Variants in KATNIP observed in about 807,000 individuals in gnomAD.
The protein encoded by KATNIP is katanin-interacting protein.
A neutral mutation model predicts 174.0 loss-of-function variants in KATNIP; 126 were observed. That is an observed-to-expected ratio of 0.72 (90% CI 0.63 to 0.84). The LOEUF is 0.84. Among genes scored for constraint, KATNIP ranks in the 40% least tolerant of loss-of-function variants. The pLI is 0.00. For missense variants in KATNIP, 1,958 were observed against 2,109.7 expected (o/e 0.93, Z 1.41); for synonymous variants, 810 against 835.7 (o/e 0.97, Z 0.53).
intron 17 of KATNIP, among the ~76,000 whole-genome samples, chr16:27,752,143 G>C (rs1275563677): frequency 6.6e-6 from 1 of 151,900 alleles, no homozygotes; most frequent in African/African-American, 2.4e-5. Flanking sequence ...AGTAAAGAAA[G>C]TATTCAAATT....
intron 2 of KATNIP, among the ~76,000 whole-genome samples, chr16:27,590,593 G>C (rs1368789468): frequency 6.6e-6 from 1 of 152,010 alleles, no homozygotes. Flanking sequence ...TTTCTTTCTG[G>C]CTACGTCCTG....
chr16:27,766,450 A>G lies in KATNIP; in HGVS notation c.3951A>G (p.Lys1317=). ...GCCTGCGCTTCTGGAACTACAATAA[A>G]TCTCCCGAGGACACCTATCGCGGGG... ...IAGLRFWNYN[K]SPEDTYRGAK... Residue 1317 remains lysine, a synonymous_variant, in exon 20 of 28, where the codon AAA becomes AAG. Transcript: ENST00000261588. The G allele has an allele frequency of 6.2e-7, 1 of 1,613,364 alleles. No individual in the cohort carries two copies. Among genetic ancestry groups the G allele is most frequent in the Non-Finnish European group, 8.5e-7 (1 of 1,179,948 alleles).
At chr16:27,761,201 C>T (rs1222156260) in intron 18 of KATNIP, among the ~76,000 whole-genome samples, 1 of 152,182 alleles carries the variant, frequency 6.6e-6, no homozygotes, top group East Asian at 1.9e-4. Context: ...AACCCTCGCC[C>T]ATGCAGCTTA....
At chr16:27,772,824 TACAC>T (rs771813914) in intron 22 of KATNIP, among the ~76,000 whole-genome samples, 18 of 151,868 alleles carry the variant, frequency 1.2e-4, no homozygotes, top group Non-Finnish European at 2.2e-4. Flanking sequence ...GAATTCCTAA[TACAC>T]ACACACACGG....
intron 6 of KATNIP, among the ~76,000 whole-genome samples, chr16:27,652,000 G>A (rs1334528216): frequency 6.6e-6 from 1 of 152,174 alleles, no homozygotes; most frequent in African/African-American, 2.4e-5. Flanking sequence ...GATTACAGGC[G>A]TGAGCCACCA....
intron 15 of KATNIP, among the ~76,000 whole-genome samples, chr16:27,741,835 G>C (rs1011357163): frequency 6.6e-6 from 1 of 152,090 alleles, no homozygotes; most frequent in Non-Finnish European, 1.5e-5. Flanking sequence ...CTAGGAGGTG[G>C]AGGCTACAGT....
At chr16:27,774,688 C>G (rs1034623907) in intron 23 of KATNIP, among the ~76,000 whole-genome samples, 2 of 152,180 alleles carry the variant, frequency 1.3e-5, no homozygotes, top group Non-Finnish European at 2.9e-5. Context: ...TGCAACGTCT[C>G]TTTTTCAGCT....
At chr16:27,661,378 G>A (rs893046500) in intron 6 of KATNIP, among the ~76,000 whole-genome samples, 4 of 151,934 alleles carry the variant, frequency 2.6e-5, no homozygotes, top group African/African-American at 9.7e-5. Flanking sequence ...CCAGGTATCT[G>A]GGTTTCTGGG....
intron 21 of KATNIP, 109 bp downstream of exon 21, chr16:27,770,127 C>A: frequency 8.0e-7 from 1 of 1,248,984 alleles, no homozygotes. Flanking sequence ...GATGATCAAA[C>A]GCATTGCTTT....
chr16:27,761,271 A>T, intron 18 of KATNIP, 142 bp from the exon 19 acceptor site: 1 of 801,416 alleles, frequency 1.2e-6, no homozygotes, highest in Non-Finnish European at 1.9e-6. Flanking sequence ...GGAAAGCCAC[A>T]GAGCCCACCT....
intron 1 of KATNIP, among the ~76,000 whole-genome samples, chr16:27,556,012 C>T (rs954836710): frequency 1.3e-5 from 2 of 151,574 alleles, no homozygotes; most frequent in African/African-American, 4.9e-5. Context: ...CCTGTAATCC[C>T]AGATACTCGG....
Position 27,562,356 on chromosome 16 carries a change from G to A in KATNIP, c.8-11545G>A, listed in dbSNP as rs74249479. ...AATAATAATAGGACCTTCCCATAAG[G>A]CTGCTAGGAGAATCAAATGAATTCA... is the stretch of plus-strand genomic sequence containing the variant. On this transcript the variant is annotated intron_variant, in intron 1 of 27. Coordinates refer to ENST00000261588, the MANE Select transcript of KATNIP (RefSeq NM_015202.5). 7.1e-3 allele frequency among the ~76,000 whole-genome samples: 1,085 copies of A among 152,216 alleles called. 34 individuals are homozygous for A. The East Asian group carries it at 0.097, about 14-fold the overall frequency.
At chr16:27,768,657 G>A (rs2082199989) in intron 20 of KATNIP, among the ~76,000 whole-genome samples, 1 of 152,192 alleles carries the variant, frequency 6.6e-6, no homozygotes, top group African/African-American at 2.4e-5. Context: ...TCCCCCTTGA[G>A]GAAAGCAGAT....
chr16:27,693,066 A>C (rs575251374), intron 8 of KATNIP, among the ~76,000 whole-genome samples: 1 of 151,930 alleles, frequency 6.6e-6, no homozygotes, highest in Non-Finnish European at 1.5e-5. Flanking sequence ...TCCTTTTTGC[A>C]CTGAGTAAGG....
intron 19 of KATNIP, among the ~76,000 whole-genome samples, chr16:27,762,020 G>A (rs1013458110): frequency 6.6e-6 from 1 of 152,230 alleles, no homozygotes; most frequent in Non-Finnish European, 1.5e-5. Flanking sequence ...GGCTCAGGAA[G>A]CCTCCACAGG....
At chr16:27,721,846 A>G (rs2080257586) in intron 14 of KATNIP, 151 bp downstream of exon 14, 1 of 861,264 alleles carries the variant, frequency 1.2e-6, no homozygotes. Context: ...GTAGGTTCAC[A>G]CTGCATTCTC....
intron 20 of KATNIP, among the ~76,000 whole-genome samples, chr16:27,768,413 G>A (rs1001688957): frequency 1.3e-5 from 2 of 152,172 alleles, no homozygotes; most frequent in Non-Finnish European, 1.5e-5. Flanking sequence ...TGGAGGAGGT[G>A]TTGGCCCTGG....
At chr16:27,704,913 T>TC (rs1417192833) in intron 12 of KATNIP, among the ~76,000 whole-genome samples, 2 of 141,828 alleles carry the variant, frequency 1.4e-5, no homozygotes, top group Non-Finnish European at 3.0e-5. Context: ...TTTCTTTTTT[T>TC]TTTTTTTTTT....
intron 1 of KATNIP, among the ~76,000 whole-genome samples, chr16:27,554,777 C>T (rs1317125735): frequency 7.0e-6 from 1 of 143,822 alleles, no homozygotes; most frequent in Non-Finnish European, 1.5e-5. Flanking sequence ...ATTTTTTAAA[C>T]TTTGATTTAC....
Sources: allele counts gnomAD v4.1 joint callset (sites outside exome capture counted in the v4.1 genomes callset), GRCh38; gene constraint gnomAD v4.1.1; transcripts MANE v1.5; gene names NCBI Gene and HGNC (gene_info 2026-07-23, HGNC 2026-07-21).